NRG4: variants seen among roughly 807,000 people sequenced by gnomAD.
The protein encoded by NRG4 is pro-neuregulin-4, membrane-bound isoform.
A neutral mutation model predicts 15.0 loss-of-function variants in NRG4; 10 were observed. The observed-to-expected ratio is 0.67, with a 90% CI of 0.41 to 1.13. The LOEUF (loss-of-function observed/expected upper bound fraction) is 1.13, where lower values mean the gene tolerates loss of function less well. Ranked by LOEUF, NRG4 falls within the 50% of genes most tolerant of loss-of-function variation. The probability of loss-of-function intolerance (pLI) is 0.00; values close to 1 mark genes in which losing one functional copy is unlikely to be tolerated. For synonymous variants in NRG4, 41 were observed against 50.1 expected (o/e 0.82, Z 0.77); for missense variants, 139 against 140.2 (o/e 0.99, Z 0.04).
intron 3 of NRG4, among the ~76,000 whole-genome samples, chr15:75,973,975 C>T (rs2033238390): frequency 1.3e-5 from 2 of 152,054 alleles, no homozygotes; most frequent in African/African-American, 4.8e-5. Flanking sequence ...TGGTAGAATT[C>T]GGCTGTGAAT....
downstream of NRG4, chr15:75,936,994 G>GTTGCTT (rs2030411376): frequency 6.6e-6 from 1 of 152,136 alleles, no homozygotes; most frequent in African/African-American, 2.4e-5. Context: ...ATTTATTAAT[G>GTTGCTT]TTGCTTTTAA....
chr15:75,991,742 GCT>G (rs1469268869), intron 3 of NRG4, among the ~76,000 whole-genome samples: 2 of 151,666 alleles, frequency 1.3e-5, no homozygotes, highest in Non-Finnish European at 1.5e-5. Flanking sequence ...TGATTCTAAA[GCT>G]CTGTTATTAG....
intron 3 of NRG4, among the ~76,000 whole-genome samples, chr15:75,997,463 T>C (rs2034257648): frequency 1.3e-5 from 2 of 152,040 alleles, no homozygotes; most frequent in African/African-American, 4.8e-5. Flanking sequence ...TGATATATAC[T>C]AGATGTAGAA....
chr15:75,981,461 T>C (rs1407492475), intron 3 of NRG4, among the ~76,000 whole-genome samples: 1 of 152,176 alleles, frequency 6.6e-6, no homozygotes, highest in Non-Finnish European at 1.5e-5. Context: ...TGGGGTAGTA[T>C]GTTACACAGA....
intron 4 of NRG4, among the ~76,000 whole-genome samples, chr15:76,050,887 C>T (rs1164896740): frequency 1.3e-5 from 2 of 149,928 alleles, no homozygotes; most frequent in African/African-American, 5.0e-5. Flanking sequence ...CCCACTGCAG[C>T]CTCGAACTCC....
chr15:76,027,497 A>G (rs968152122), intron 5 of NRG4, among the ~76,000 whole-genome samples: 1 of 148,670 alleles, frequency 6.7e-6, no homozygotes, highest in African/African-American at 2.5e-5. Context: ...ATAACAGTCA[A>G]ATATATATAT....
intron 3 of NRG4, among the ~76,000 whole-genome samples, chr15:75,998,329 G>A (rs1194999458): frequency 6.6e-6 from 1 of 152,154 alleles, no homozygotes; most frequent in Non-Finnish European, 1.5e-5. Context: ...GGGAATAGGC[G>A]AAGAATGGGT....
At chr15:75,939,380 AAATCTC>A (rs1314923650), downstream of NRG4, 1 of 152,182 alleles carries the variant, frequency 6.6e-6, no homozygotes, top group African/African-American at 2.4e-5. Context: ...AAAAATTTAA[AAATCTC>A]AATAGAACTA....
intron 4 of NRG4, among the ~76,000 whole-genome samples, chr15:76,040,014 C>A (rs573294916): frequency 6.6e-6 from 1 of 151,662 alleles, no homozygotes; most frequent in Non-Finnish European, 1.5e-5. Context: ...GCCTGGGCAA[C>A]AAAGTGAGAC....
chr15:76,034,213 T>C lies in NRG4; in HGVS notation c.-57+1731A>G, dbSNP rs967907357. Among the ~76,000 whole-genome samples the C allele has an allele frequency of 3.9e-5, 6 of 152,134 alleles. No individual in the cohort carries two copies. In the South Asian group the frequency reaches 6.2e-4, roughly 16 times the overall value. ...AGATAAGATATCTATCTCTAAGCCA[T>C]CCTCCTTTGTTAATATAACTGTGAA... On this transcript the variant is annotated intron_variant, in intron 5 of 8. Coordinates refer to the NRG4 transcript ENST00000563910.
intron 3 of NRG4, among the ~76,000 whole-genome samples, chr15:76,008,771 T>A (rs2034700630): frequency 6.6e-6 from 1 of 152,190 alleles, no homozygotes; most frequent in South Asian, 2.1e-4. Flanking sequence ...ACATATAAAG[T>A]GTAAGTTTTG....
intron 3 of NRG4, among the ~76,000 whole-genome samples, chr15:75,990,141 C>A (rs951752475): frequency 6.6e-6 from 1 of 152,170 alleles, no homozygotes; most frequent in Non-Finnish European, 1.5e-5. Context: ...CCCAGAAGTT[C>A]TTTGCGCAGC....
intron 5 of NRG4, among the ~76,000 whole-genome samples, chr15:76,021,776 C>A (rs1255440335): frequency 6.6e-6 from 1 of 152,126 alleles, no homozygotes; most frequent in Non-Finnish European, 1.5e-5. Context: ...TGCAAATAAG[C>A]AACCTTTAGG....
At chr15:75,969,964 C>A (rs1184654313) in intron 3 of NRG4, among the ~76,000 whole-genome samples, 2 of 152,102 alleles carry the variant, frequency 1.3e-5, no homozygotes, top group Admixed American at 1.3e-4. Context: ...TGGTATGGTG[C>A]CAAAAGTCAA....
intron 3 of NRG4, among the ~76,000 whole-genome samples, chr15:75,995,993 T>G (rs1461507346): frequency 6.6e-6 from 1 of 152,244 alleles, no homozygotes; most frequent in Non-Finnish European, 1.5e-5. Context: ...TATATAATTC[T>G]TGTTGTTTTC....
intron 1 of NRG4, among the ~76,000 whole-genome samples, chr15:76,058,066 A>C (rs1347126927): frequency 6.6e-6 from 1 of 152,176 alleles, no homozygotes; most frequent in Non-Finnish European, 1.5e-5. Context: ...AGTTTCAATC[A>C]AATCTTAAGT....
chr15:75,949,438 C>A, intron 5 of NRG4, among the ~76,000 whole-genome samples: 1 of 150,630 alleles, frequency 6.6e-6, no homozygotes, highest in Non-Finnish European at 1.5e-5. Context: ...AATGGGCTGT[C>A]TTTTTATTAT....
chr15:76,055,563 A>G (rs918456867), intron 2 of NRG4, among the ~76,000 whole-genome samples: 1 of 152,204 alleles, frequency 6.6e-6, no homozygotes, highest in Non-Finnish European at 1.5e-5. Context: ...GTTTACTTGG[A>G]AATATATACA....
At chr15:76,000,771 G>A (rs1289959694) in intron 3 of NRG4, among the ~76,000 whole-genome samples, 1 of 152,064 alleles carries the variant, frequency 6.6e-6, no homozygotes, top group African/African-American at 2.4e-5. Flanking sequence ...CTTCTGCACT[G>A]TGTGTACAAT....
Sources: gnomAD v4.1 joint callset for allele counts (sites outside exome capture counted in the v4.1 genomes callset) on GRCh38, gnomAD v4.1.1 for gene constraint, MANE v1.5 for transcripts, NCBI Gene and HGNC (gene_info 2026-07-23, HGNC 2026-07-21) for gene names.